The following ZYG11B variants were observed in gnomAD, a reference collection of about 807,000 sequenced individuals.
ZYG11B encodes the protein protein zyg-11 homolog B.
ZYG11B carries 36 observed loss-of-function variants against 82.4 expected under a neutral mutation model. That is an observed-to-expected ratio of 0.44 (90% confidence interval 0.33 to 0.58). The LOEUF (loss-of-function observed/expected upper bound fraction) is 0.58, where lower values mean the gene tolerates loss of function less well. ZYG11B is among the 20% of genes least tolerant of loss of function. The pLI, the probability that ZYG11B is intolerant of heterozygous loss-of-function variation, is 0.02. For missense variants in ZYG11B, 552 were observed against 895.6 expected, an observed-to-expected ratio of 0.62 and a Z score of 4.90; for synonymous variants, 303 against 312.8, an observed-to-expected ratio of 0.97 and a Z score of 0.33.
At chr1:52,812,404 TA>T (rs1645191233) in intron 10 of ZYG11B, among the ~76,000 whole-genome samples, 1 of 152,094 alleles carries the variant, frequency 6.6e-6, no homozygotes, top group Non-Finnish European at 1.5e-5. Flanking sequence ...ATTTTATTTT[TA>T]TTATTATTTC....
chr1:52,762,979 G>GT (rs1001992325), intron 2 of ZYG11B, among the ~76,000 whole-genome samples: 1 of 130,246 alleles, frequency 7.7e-6, no homozygotes, highest in Non-Finnish European at 1.6e-5. Flanking sequence ...GAGAGATTGG[G>GT]GGGGGGGGGT....
intron 2 of ZYG11B, among the ~76,000 whole-genome samples, chr1:52,766,408 A>ATT (rs1033159578): frequency 7.0e-5 from 10 of 142,628 alleles, no homozygotes; most frequent in Middle Eastern, 7.8e-3. Flanking sequence ...TCTGTTACTC[A>ATT]TTTTTTTTCA....
Position 52,801,803 on chromosome 1 carries a change from T to G in ZYG11B, c.1486-16T>G, listed in dbSNP as rs772504916. On this transcript the variant is annotated splice_polypyrimidine_tract_variant and intron_variant, in intron 8 of 13. Coordinates refer to ENST00000294353, the MANE Select transcript of ZYG11B (RefSeq NM_024646.3). Reference sequence around the variant, plus strand: ...GTTCAAAAGTGAAAACTTATTTCTGTTTTTTTTTTTTTCAGCAACTTCTTC... The same window carrying G: ...GTTCAAAAGTGAAAACTTATTTCTGGTTTTTTTTTTTTCAGCAACTTCTTC... 64 of 878,160 alleles carry G rather than the reference T, an allele frequency of 7.3e-5. No homozygotes were observed. Among genetic ancestry groups the G allele is most frequent in the Middle Eastern group, 3.1e-4 (1 of 3,276 alleles). The allele number at this position is 878,160 out of a possible 1,614,324, so 54.4% of individuals were successfully genotyped here. A position where few individuals can be genotyped will look rare whatever the true frequency, so the allele number is the denominator to read the frequency against.
At chr1:52,768,775 G>A (rs1644721275) in intron 2 of ZYG11B, among the ~76,000 whole-genome samples, 1 of 151,924 alleles carries the variant, frequency 6.6e-6, no homozygotes, top group South Asian at 2.1e-4. Context: ...TGCATTTTTA[G>A]TAGAAACGCG....
rs114327752 is a variant in ZYG11B, at chr1:52,785,672, G to A, written c.1269+619G>A. On this transcript the variant is annotated intron_variant, in intron 5 of 13. Transcript: ENST00000294353. Reference sequence around the variant, plus strand: ...AGGTTTCAACATGTTGGTGAGGATAGTCTCCATCTCTTGTCTTTGTGATCC... The same window carrying A: ...AGGTTTCAACATGTTGGTGAGGATAATCTCCATCTCTTGTCTTTGTGATCC... 4.7e-3 allele frequency among the ~76,000 whole-genome samples: 716 copies of A among 152,248 alleles called. 1 individual carries two copies. Among genetic ancestry groups the A allele is most frequent in the Non-Finnish European group, 7.8e-3 (530 of 68,026 alleles).
intron 4 of ZYG11B, among the ~76,000 whole-genome samples, chr1:52,783,985 C>CGT (rs143550867): frequency 0.55 from 80,217 of 146,062 alleles, 23,033 homozygotes; most frequent in African/African-American, 0.76. Flanking sequence ...CACACACACA[C>CGT]ATATATATAT....
chr1:52,762,636 A>G (rs1328615046), intron 2 of ZYG11B, among the ~76,000 whole-genome samples: 1 of 151,818 alleles, frequency 6.6e-6, no homozygotes, highest in East Asian at 1.9e-4. Flanking sequence ...GCTGGAGTGC[A>G]GTGGCGCCGT....
At position 52,765,737 on chromosome 1, in the gene ZYG11B, G is replaced by A. The variant is rs577358393; in HGVS notation, c.197-5283G>A. On this transcript the variant is annotated intron_variant, in intron 2 of 13. Transcript: ENST00000294353. ...AGGCTGGTCTCAAACTCCTGGCCTC[G>A]GGTAATCCTCTTGTCTCATCCTCCC... is the stretch of plus-strand genomic sequence containing the variant. 2.0e-5 allele frequency among the ~76,000 whole-genome samples: 3 copies of A among 151,982 alleles called. No individual in the cohort carries two copies. In the South Asian group the frequency reaches 6.2e-4, roughly 32 times the overall value.
intron 8 of ZYG11B, among the ~76,000 whole-genome samples, chr1:52,797,210 AAT>A (rs1485311788): frequency 2.5e-5 from 2 of 80,536 alleles, no homozygotes; most frequent in Admixed American, 2.3e-4. Flanking sequence ...ATTTATATAT[AAT>A]ATATAAATAT....
chr1:52,756,355 G>T, intron 1 of ZYG11B, 103 bp from the exon 2 acceptor site: 1 of 1,125,170 alleles, frequency 8.9e-7, no homozygotes, highest in Non-Finnish European at 1.3e-6. Flanking sequence ...AGACACTAAA[G>T]AAATACTTGT....
intron 1 of ZYG11B, among the ~76,000 whole-genome samples, chr1:52,739,883 G>A (rs1014228008): frequency 6.6e-6 from 1 of 152,162 alleles, no homozygotes; most frequent in Non-Finnish European, 1.5e-5. Context: ...TGGTATTACA[G>A]GCATGAGCCA....
rs200574669 is a variant in ZYG11B at position 52,770,993 on chromosome 1, T to C, written c.197-27T>C. On this transcript the variant is annotated intron_variant, in intron 2 of 13. Transcript: ENST00000294353. ...GGCTATTCTTTAACTGTTTTTTGAA[T>C]TTAAAACGCTGCTTGTTTTTCCACA... 1,597 of 1,576,746 alleles carry C rather than the reference T, an allele frequency of 1.0e-3. 2 individuals carry two copies. The highest frequency in any genetic ancestry group is 1.3e-3 in the Non-Finnish European group (1,550 of 1,161,118).
intron 3 of ZYG11B, among the ~76,000 whole-genome samples, chr1:52,775,352 G>A (rs1293446384): frequency 6.6e-6 from 1 of 151,994 alleles, no homozygotes; most frequent in Admixed American, 6.6e-5. Context: ...AGCACTTTGG[G>A]AGGCCGAGGT....
rs774567928 is a variant in ZYG11B, at chr1:52,821,606, C to A, written c.2212C>A (p.Gln738Lys). ...TGGGAGGCCACCTCCCTGTAAAAAA[C>A]AGCCCCAAGCCAGACTAAATTGATA... ...RHGRPPPCKK[Q>K]PQARLN is the part of the protein sequence containing the mutation. The change falls in exon 14 of 14, where the codon CAG (glutamine) becomes AAG (lysine). Residue 738 changes from glutamine to lysine, a missense_variant. Physicochemically the swap from Gln to Lys is moderately conservative, Grantham distance 53. Transcript: ENST00000294353. 6.2e-7 allele frequency: 1 copy of A among 1,613,462 alleles called. No individual in the cohort carries two copies. The highest frequency in any genetic ancestry group is 2.2e-5 in the East Asian group (1 of 44,872).
chr1:52,739,046 A>T (rs1022105617), intron 1 of ZYG11B, among the ~76,000 whole-genome samples: 5 of 130,764 alleles, frequency 3.8e-5, no homozygotes, highest in African/African-American at 1.5e-4. Flanking sequence ...CAGTGACACG[A>T]TCTTGGCTCA....
intron 1 of ZYG11B, 33 bp downstream of exon 1, chr1:52,726,716 G>A (rs1351158708): frequency 4.8e-6 from 7 of 1,460,132 alleles, no homozygotes; most frequent in South Asian, 1.3e-5. Context: ...AGCCGCAGCC[G>A]CCCGCCACCC....
At chr1:52,796,998 AATATATTATATATTT>A (rs1399599910) in intron 8 of ZYG11B, among the ~76,000 whole-genome samples, 1,073 of 90,008 alleles carry the variant, frequency 0.012, 34 homozygotes, top group African/African-American at 0.06. Flanking sequence ...TTTTTATATA[AATATATTATATATTT>A]ATATATTATA....
chr1:52,814,580 G>T (rs1368245047), intron 12 of ZYG11B, among the ~76,000 whole-genome samples: 2 of 152,154 alleles, frequency 1.3e-5, no homozygotes, highest in Non-Finnish European at 1.5e-5. Flanking sequence ...GTGAAGCCCA[G>T]TGGGGTAGCA....
Position 52,821,775 on chromosome 1 carries a change from A to G in ZYG11B, c.*146A>G. The G allele has an allele frequency of 6.8e-6, 4 of 591,856 alleles. No individual in the cohort carries two copies. Among genetic ancestry groups the G allele is most frequent in the Non-Finnish European group, 1.1e-5 (4 of 358,608 alleles). The allele number at this position is 591,856 out of a possible 1,614,324, so 36.7% of individuals were successfully genotyped here. On this transcript the variant is annotated 3_prime_UTR_variant, in exon 14 of 14. Coordinates refer to ENST00000294353, the MANE Select transcript of ZYG11B (RefSeq NM_024646.3). ...GGATTGATAATGTGTAGTACTGCCC[A>G]TGTGAACAGTCTCTAATTTGTCTTG...
Sources: allele counts gnomAD v4.1 joint callset (sites outside exome capture counted in the v4.1 genomes callset), GRCh38; gene constraint gnomAD v4.1.1; transcripts MANE v1.5; gene names NCBI Gene and HGNC (gene_info 2026-07-23, HGNC 2026-07-21).